The following PMFBP1 variants were observed in gnomAD, a reference collection of about 807,000 sequenced individuals.
The protein encoded by PMFBP1 is polyamine-modulated factor 1-binding protein 1.
In PMFBP1, 131 loss-of-function variants were observed where a neutral mutation model predicts 137.8. That is an observed-to-expected ratio of 0.95 (90% CI 0.82 to 1.10). The LOEUF (loss-of-function observed/expected upper bound fraction) is 1.10. PMFBP1 is among the 50% of genes least tolerant of loss of function. The pLI, the probability that PMFBP1 is intolerant of heterozygous loss-of-function variation, is 0.00. For synonymous variants in PMFBP1, 490 were observed against 450.4 expected, an observed-to-expected ratio of 1.09 and a Z score of -1.11; for missense variants, 1,199 against 1,175.4, an observed-to-expected ratio of 1.02 and a Z score of -0.29.
At chr16:72,125,759 T>A (rs1169741895) in intron 15 of PMFBP1, among the ~76,000 whole-genome samples, 3 of 152,160 alleles carry the variant, frequency 2.0e-5, no homozygotes, top group Non-Finnish European at 4.4e-5. Flanking sequence ...TTGGTTTTGA[T>A]CTTTGTCCTC....
chr16:72,155,775 T>C (rs577815576), intron 3 of PMFBP1, among the ~76,000 whole-genome samples: 4 of 152,188 alleles, frequency 2.6e-5, no homozygotes, highest in Admixed American at 6.5e-5. Flanking sequence ...AATAAACTTA[T>C]AGAATTGTGT....
At chr16:72,216,588 A>G in the PMFBP1 span, among the ~76,000 whole-genome samples, 2 of 152,198 alleles carry the variant, frequency 1.3e-5, no homozygotes, top group Non-Finnish European at 2.9e-5. Flanking sequence ...GTTGGTTTTT[A>G]TTGGCAGCCT....
the PMFBP1 span, among the ~76,000 whole-genome samples, chr16:72,202,494 A>AC: frequency 6.6e-6 from 1 of 152,128 alleles, no homozygotes; most frequent in African/African-American, 2.4e-5. Context: ...TTTTTCTCTA[A>AC]CCATACTAAG....
downstream of PMFBP1, among the ~76,000 whole-genome samples, chr16:72,117,556 G>T (rs1353464809): frequency 6.6e-6 from 1 of 152,170 alleles, no homozygotes; most frequent in Non-Finnish European, 1.5e-5. Context: ...CTGAATAGAA[G>T]TGGCAAAGCA....
At chr16:72,132,679 G>T (rs2042566037) in intron 10 of PMFBP1, 69 bp downstream of exon 10, 6 of 1,594,830 alleles carry the variant, frequency 3.8e-6, no homozygotes, top group South Asian at 2.3e-5. Flanking sequence ...GGAGAGAGAA[G>T]GTGGCTGCTC....
chr16:72,241,064 A>G, the PMFBP1 span, among the ~76,000 whole-genome samples: 2 of 152,310 alleles, frequency 1.3e-5, no homozygotes, highest in East Asian at 1.9e-4. Context: ...AACTTATGTT[A>G]AAGAAGATAT....
At chr16:72,249,699 G>A in the PMFBP1 span, among the ~76,000 whole-genome samples, 2 of 151,094 alleles carry the variant, frequency 1.3e-5, no homozygotes, top group African/African-American at 2.4e-5. Context: ...GGTGAATTAC[G>A]AGGTCAGGAG....
the PMFBP1 span, among the ~76,000 whole-genome samples, chr16:72,210,323 AG>A: frequency 6.6e-6 from 1 of 152,244 alleles, no homozygotes; most frequent in Non-Finnish European, 1.5e-5. Context: ...AGAGAGCAAA[AG>A]CAAGGGCTTG....
chr16:72,118,821 C>A (rs1230714265), downstream of PMFBP1, among the ~76,000 whole-genome samples: 1 of 152,064 alleles, frequency 6.6e-6, no homozygotes, highest in Non-Finnish European at 1.5e-5. Context: ...CCTTATTGCT[C>A]TTCCTTTCTT....
chr16:72,127,812 T>C (rs2042484667), intron 14 of PMFBP1, among the ~76,000 whole-genome samples: 1 of 152,228 alleles, frequency 6.6e-6, no homozygotes, highest in Non-Finnish European at 1.5e-5. Context: ...TTTTCCATCA[T>C]CACAGAAAGG....
Position 72,122,908 on chromosome 16 carries a change from A to T in PMFBP1, c.2768+6T>A. The stretch of plus-strand genomic sequence containing the variant: ...GAAGCAGCCAGGGTGGTTTAAGATG[A>T]CTTACTCCTTTTCGCCACTCAGCTT... On this transcript the variant is annotated splice_donor_region_variant and intron_variant, in intron 19 of 20. Coordinates refer to ENST00000237353, the MANE Select transcript of PMFBP1 (RefSeq NM_031293.3). The T allele has an allele frequency of 6.2e-7, 1 of 1,612,190 alleles. No homozygotes were observed. Among genetic ancestry groups the T allele is most frequent in the Non-Finnish European group, 8.5e-7 (1 of 1,179,342 alleles).
chr16:72,213,109 A>G, the PMFBP1 span, among the ~76,000 whole-genome samples: 1 of 151,040 alleles, frequency 6.6e-6, no homozygotes, highest in Non-Finnish European at 1.5e-5. Context: ...AAAGGAGACC[A>G]TGGGGTCCAG....
chr16:72,231,229 G>C, the PMFBP1 span, among the ~76,000 whole-genome samples: 2 of 152,096 alleles, frequency 1.3e-5, no homozygotes, highest in Admixed American at 6.6e-5. Flanking sequence ...ATTTACGAAA[G>C]CCTATTATAG....
chr16:72,196,420 G>T, the PMFBP1 span, among the ~76,000 whole-genome samples: 1 of 151,966 alleles, frequency 6.6e-6, no homozygotes, highest in African/African-American at 2.4e-5. Flanking sequence ...CATCTTTGAC[G>T]CTGCCTCCCC....
In PMFBP1 at chr16:72,122,976, C is replaced by T. The variant is rs755556874; in HGVS notation, c.2706G>A (p.Glu902=). 17 of 1,612,938 alleles carry T rather than the reference C, an allele frequency of 1.1e-5. No individual in the cohort carries two copies. The highest frequency in any genetic ancestry group is 1.4e-5 in the Non-Finnish European group (16 of 1,179,950). Residue 902 remains glutamate, a synonymous_variant, in exon 19 of 21, where the codon GAG becomes GAA. Coordinates refer to ENST00000237353, the MANE Select transcript of PMFBP1 (RefSeq NM_031293.3). The stretch of plus-strand genomic sequence containing the variant: ...GCTCTCGGAGCTGGTTTCCTAGTTT[C>T]TCATTGGCGACCCTGTAATAAAATC... ...QWAKQQKVAN[E]KLGNQLREQV... is the part of the protein sequence containing the mutation.
the PMFBP1 span, among the ~76,000 whole-genome samples, chr16:72,216,251 C>G: frequency 6.6e-6 from 1 of 152,154 alleles, no homozygotes; most frequent in African/African-American, 2.4e-5. Context: ...TGCCCTACGA[C>G]AAGAATCTGG....
Position 72,132,856 on chromosome 16 carries a change from C to T in PMFBP1, c.1339G>A (p.Glu447Lys). Residue 447 changes from glutamate (E) to lysine (K), a missense_variant, in exon 10 of 21, where the codon GAG becomes AAG. Transcript: ENST00000237353. ...MATELEMTVK[E>K]AKQDKSKEAE... Reference sequence around the variant, plus strand: ...TCCTTGGACTTGTCCTGCTTAGCCTCCTTGACTGTCATTTCAAGTTCTGTG... The same window carrying T: ...TCCTTGGACTTGTCCTGCTTAGCCTTCTTGACTGTCATTTCAAGTTCTGTG... 11 of 1,614,224 alleles carry T rather than the reference C, an allele frequency of 6.8e-6. No homozygotes were observed. Among genetic ancestry groups the T allele is most frequent in the Non-Finnish European group, 9.3e-6 (11 of 1,180,034 alleles).
chr16:72,156,563 T>C (rs1207396713), intron 3 of PMFBP1, among the ~76,000 whole-genome samples: 2 of 151,578 alleles, frequency 1.3e-5, no homozygotes, highest in African/African-American at 4.9e-5. Flanking sequence ...GAGCTTGCAT[T>C]GAGCTGAGAT....
the PMFBP1 span, among the ~76,000 whole-genome samples, chr16:72,209,767 G>A: frequency 6.6e-6 from 1 of 152,144 alleles, no homozygotes; most frequent in Non-Finnish European, 1.5e-5. Flanking sequence ...GCTGGGAAAC[G>A]AGACCCATAC....
Sources: gnomAD v4.1 joint callset for allele counts (sites outside exome capture counted in the v4.1 genomes callset) on GRCh38, gnomAD v4.1.1 for gene constraint, MANE v1.5 for transcripts, NCBI Gene and HGNC (gene_info 2026-07-23, HGNC 2026-07-21) for gene names.